Variants in EPHB2 observed in about 807,000 individuals in gnomAD.
The protein encoded by EPHB2 is EPH receptor B2, also known as ephrin type-B receptor 2.
A neutral mutation model predicts 96.4 loss-of-function variants in EPHB2; 18 were observed. That is an observed-to-expected ratio of 0.19 (90% CI 0.13 to 0.28). The LOEUF (loss-of-function observed/expected upper bound fraction) is 0.28, where lower values mean the gene tolerates loss of function less well. Ranked by LOEUF, EPHB2 falls within the 10% of genes least tolerant of loss-of-function variation. The pLI is 1.00. For synonymous variants in EPHB2, 506 were observed against 534.1 expected, an observed-to-expected ratio of 0.95 and a Z score of 0.72; for missense variants, 989 against 1,355.4, an observed-to-expected ratio of 0.73 and a Z score of 4.25.
chr1:22,810,163 A>C (rs1471569706), intron 3 of EPHB2, among the ~76,000 whole-genome samples: 2 of 152,140 alleles, frequency 1.3e-5, no homozygotes, highest in Non-Finnish European at 2.9e-5. Context: ...TGGACTAGGC[A>C]GCTCTTGTGC....
chr1:22,854,569 G>A (rs1307635542), intron 3 of EPHB2, among the ~76,000 whole-genome samples: 1 of 152,192 alleles, frequency 6.6e-6, no homozygotes, highest in Non-Finnish European at 1.5e-5. Flanking sequence ...CTGACCCTAA[G>A]TCTCTATGTG....
rs1185803129 is a variant in EPHB2 at position 22,858,807 on chromosome 1, T to G, written c.812-4230T>G. Among the ~76,000 whole-genome samples, 5 of 152,144 alleles carry G rather than the reference T, an allele frequency of 3.3e-5. No homozygotes were observed. The highest frequency in any genetic ancestry group is 1.2e-4 in the African/African-American group (5 of 41,420). On this transcript the variant is annotated intron_variant, in intron 3 of 15. Coordinates refer to ENST00000374630, the MANE Select transcript of EPHB2 (RefSeq NM_017449.5). The surrounding 1 kb of genome is among the most constrained non-coding windows in gnomAD (Gnocchi z 7.7). ...CTACTGAAGAGCTATGTCTGTCTGTTCCTCTCTGGGCCTCAGTTTCCTCAA... is the reference window on the plus strand; with the variant it reads ...CTACTGAAGAGCTATGTCTGTCTGTGCCTCTCTGGGCCTCAGTTTCCTCAA...
intron 9 of EPHB2, among the ~76,000 whole-genome samples, chr1:22,902,892 C>T (rs1176464048): frequency 6.6e-6 from 1 of 152,194 alleles, no homozygotes; most frequent in Non-Finnish European, 1.5e-5. Flanking sequence ...GCAATCCAGG[C>T]AGTCTTCACA....
chr1:22,881,981 A>G (rs1639061700), intron 5 of EPHB2, among the ~76,000 whole-genome samples: 1 of 152,124 alleles, frequency 6.6e-6, no homozygotes, highest in Non-Finnish European at 1.5e-5. Context: ...CTGTGAGAGC[A>G]CTCACAGCAC....
chr1:22,831,688 T>G (rs1214976907), intron 3 of EPHB2, among the ~76,000 whole-genome samples: 2 of 151,878 alleles, frequency 1.3e-5, no homozygotes, highest in African/African-American at 4.8e-5. Flanking sequence ...TTGGAGATGA[T>G]TATAAGGGGA....
At chr1:22,777,530 C>T (rs777836084) in intron 1 of EPHB2, among the ~76,000 whole-genome samples, 6 of 152,166 alleles carry the variant, frequency 3.9e-5, no homozygotes, top group Non-Finnish European at 5.9e-5. Context: ...CCTGAACCCA[C>T]TAAGTTCTTG....
intron 1 of EPHB2, among the ~76,000 whole-genome samples, chr1:22,780,346 C>T (rs999416926): frequency 2.2e-4 from 34 of 152,266 alleles, no homozygotes; most frequent in African/African-American, 8.2e-4. Context: ...GGTCCAGGTG[C>T]TGACATGTCT....
In EPHB2 at chr1:22,918,111, G is replaced by A. The variant is rs77447042; in HGVS notation, c.*4541G>A. 2,892 of 152,428 alleles carry A rather than the reference G, an allele frequency of 0.019. 28 individuals are homozygous for A. The highest frequency in any genetic ancestry group is 0.028 in the Non-Finnish European group (1,910 of 68,154). The allele number at this position is 152,428 out of a possible 1,614,324, so 9.4% of individuals were successfully genotyped here. On this transcript the variant is annotated 3_prime_UTR_variant, in exon 16 of 16. Transcript: ENST00000374630. This position sits in a 1 kb window ranked among gnomAD's most constrained non-coding sequence, Gnocchi z 4.2. ...GGTTCTAGGAAGAAGCACCAGTTCA[G>A]CCATCAGATGGGGCAGGATGCCTCC...
chr1:22,812,688 G>A (rs2148463493), intron 3 of EPHB2, among the ~76,000 whole-genome samples: 1 of 152,366 alleles, frequency 6.6e-6, no homozygotes, highest in East Asian at 1.9e-4. Context: ...GTCCTCATCT[G>A]TAAAATGGGC....
chr1:22,908,772 C>A (rs1047718807), intron 12 of EPHB2, among the ~76,000 whole-genome samples: 2 of 152,158 alleles, frequency 1.3e-5, no homozygotes, highest in Non-Finnish European at 2.9e-5. Context: ...GCTGACAATT[C>A]TTTGGGAGCT....
chr1:22,879,477 C>T (rs762905405), intron 5 of EPHB2, among the ~76,000 whole-genome samples: 1 of 152,210 alleles, frequency 6.6e-6, no homozygotes, highest in Non-Finnish European at 1.5e-5. Flanking sequence ...CTCAACTCCT[C>T]ACAAAGGCAG....
chr1:22,725,956 T>C (rs1007568319), intron 1 of EPHB2, among the ~76,000 whole-genome samples: 1 of 152,236 alleles, frequency 6.6e-6, no homozygotes, highest in African/African-American at 2.4e-5. Context: ...GCTGCTAGGC[T>C]TCTGGGATAG....
chr1:22,827,249 C>G (rs771487865), intron 3 of EPHB2, among the ~76,000 whole-genome samples: 1 of 152,152 alleles, frequency 6.6e-6, no homozygotes, highest in South Asian at 2.1e-4. Flanking sequence ...TCCTCGGAGC[C>G]CCTGGAACAT....
chr1:22,729,993 C>T (rs1455514786), intron 1 of EPHB2, among the ~76,000 whole-genome samples: 2 of 152,254 alleles, frequency 1.3e-5, no homozygotes, highest in African/African-American at 2.4e-5. Context: ...TGGCAGAGTG[C>T]TGTGACATCC....
At chr1:22,728,398 C>T (rs998037586) in intron 1 of EPHB2, among the ~76,000 whole-genome samples, 6 of 152,208 alleles carry the variant, frequency 3.9e-5, no homozygotes, top group African/African-American at 1.2e-4. Flanking sequence ...AACTGAGCCT[C>T]AGAGAGATTA....
At chr1:22,910,660 G>T in intron 14 of EPHB2, 85 bp downstream of exon 14, 1 of 1,520,776 alleles carries the variant, frequency 6.6e-7, no homozygotes. Context: ...TCAGGCAAAT[G>T]CTCTTCCTTA....
chr1:22,798,088 A>G (rs1644792720), intron 3 of EPHB2, among the ~76,000 whole-genome samples: 1 of 152,166 alleles, frequency 6.6e-6, no homozygotes, highest in South Asian at 2.1e-4. Context: ...ACTCCACCAG[A>G]GCAGCTATTT....
intron 3 of EPHB2, among the ~76,000 whole-genome samples, chr1:22,859,935 C>T (rs1181432674): frequency 6.6e-6 from 1 of 152,206 alleles, no homozygotes; most frequent in Admixed American, 6.5e-5. Context: ...CCCCCTGCTC[C>T]CCTATCCCCA....
At position 22,784,237 on chromosome 1, in the gene EPHB2, T is replaced by C. The variant is rs937288532; in HGVS notation, c.127-155T>C. On this transcript the variant is annotated intron_variant, in intron 2 of 15. Coordinates refer to ENST00000374630, the MANE Select transcript of EPHB2 (RefSeq NM_017449.5). The surrounding 1 kb of genome is among the most constrained non-coding windows in gnomAD (Gnocchi z 5.1). ...CAGGATGTGTGCCTTTCCCACCTGA[T>C]TGGCATGTCTCCCCCATCAGATTGG... Among the ~76,000 whole-genome samples, 7 of 152,150 alleles carry C rather than the reference T, an allele frequency of 4.6e-5. No individual in the cohort carries two copies. The highest frequency in any genetic ancestry group is 1.4e-4 in the African/African-American group (6 of 41,436).
Sources: gnomAD v4.1 joint callset for allele counts (sites outside exome capture counted in the v4.1 genomes callset) on GRCh38, gnomAD v4.1.1 for gene constraint, Gnocchi (gnomAD v3.1) non-coding constraint, MANE v1.5 for transcripts, NCBI Gene and HGNC (gene_info 2026-07-23, HGNC 2026-07-21) for gene names.